ATXN7L1: variants seen among roughly 807,000 people sequenced by gnomAD.
The protein encoded by ATXN7L1 is ataxin 7 like 1.
A neutral mutation model predicts 70.8 loss-of-function variants in ATXN7L1; 15 were observed. That is an observed-to-expected ratio of 0.21 (90% confidence interval 0.14 to 0.33). The LOEUF is 0.33. ATXN7L1 is among the 10% of genes least tolerant of loss of function. ATXN7L1 has a pLI of 1.00. For synonymous variants in ATXN7L1, 440 were observed against 445.1 expected, an observed-to-expected ratio of 0.99 and a Z score of 0.14; for missense variants, 975 against 1,097.1, an observed-to-expected ratio of 0.89 and a Z score of 1.57.
chr7:105,647,401 A>C (rs1345391510), intron 4 of ATXN7L1, among the ~76,000 whole-genome samples: 1 of 152,226 alleles, frequency 6.6e-6, no homozygotes, highest in Non-Finnish European at 1.5e-5. Flanking sequence ...TAATCCCAGC[A>C]CTTTGGGAGG....
intron 3 of ATXN7L1, among the ~76,000 whole-genome samples, chr7:105,668,840 G>C (rs539727617): frequency 6.6e-6 from 1 of 152,200 alleles, no homozygotes; most frequent in South Asian, 2.1e-4. Flanking sequence ...GGAGGTAGAG[G>C]CTACAGCAAG....
chr7:105,701,783 T>C (rs533181760), intron 3 of ATXN7L1, among the ~76,000 whole-genome samples: 165 of 152,318 alleles, frequency 1.1e-3, no homozygotes, highest in Non-Finnish European at 1.2e-3. Flanking sequence ...CAGCTCATTG[T>C]AGCCTCAAAC....
intron 3 of ATXN7L1, among the ~76,000 whole-genome samples, chr7:105,732,284 G>C (rs529851425): frequency 5.9e-5 from 9 of 152,134 alleles, no homozygotes. Context: ...GTGGTGGTGC[G>C]TGCCTGTAGT....
intron 3 of ATXN7L1, among the ~76,000 whole-genome samples, chr7:105,690,878 G>A (rs920846904): frequency 2.0e-5 from 3 of 152,122 alleles, no homozygotes; most frequent in South Asian, 2.1e-4. Flanking sequence ...TAGTGTTTTC[G>A]CTAAGCTTTA....
intron 4 of ATXN7L1, among the ~76,000 whole-genome samples, chr7:105,662,078 CCTTCTTTCT>C (rs1270152636): frequency 0.015 from 1,317 of 85,746 alleles, 6 homozygotes; most frequent in African/African-American, 0.019. Flanking sequence ...TTCCTTCCTT[CCTTCTTTCT>C]TTTCTTTTCT....
chr7:105,632,890 C>T (rs553914150), intron 7 of ATXN7L1, among the ~76,000 whole-genome samples: 103 of 129,348 alleles, frequency 8.0e-4, no homozygotes, highest in African/African-American at 2.8e-3. Context: ...CACTGCACTC[C>T]AGCCTGGGTT....
chr7:105,835,300 G>A (rs1221086970), intron 2 of ATXN7L1, among the ~76,000 whole-genome samples: 2 of 151,370 alleles, frequency 1.3e-5, no homozygotes, highest in Non-Finnish European at 2.9e-5. Flanking sequence ...GACTACAGGC[G>A]CATGCCACCA....
chr7:105,645,762 G>A (rs1268434866), intron 4 of ATXN7L1, among the ~76,000 whole-genome samples: 1 of 151,888 alleles, frequency 6.6e-6, no homozygotes, highest in Non-Finnish European at 1.5e-5. Context: ...ACAGTGAGCC[G>A]AGATAGTGCC....
intron 2 of ATXN7L1, among the ~76,000 whole-genome samples, chr7:105,830,296 T>C (rs1811419645): frequency 6.6e-6 from 1 of 152,258 alleles, no homozygotes; most frequent in Non-Finnish European, 1.5e-5. Flanking sequence ...TGACTCGGCT[T>C]TGCCTTAAGA....
chr7:105,778,510 CAAAAAAA>C (rs745820046), intron 3 of ATXN7L1, among the ~76,000 whole-genome samples: 7 of 34,172 alleles, frequency 2.0e-4, no homozygotes, highest in Non-Finnish European at 4.2e-4. Flanking sequence ...GACCCTATCT[CAAAAAAA>C]AAAAAAAAAA....
At chr7:105,767,361 G>A (rs1801413194) in intron 3 of ATXN7L1, among the ~76,000 whole-genome samples, 1 of 152,034 alleles carries the variant, frequency 6.6e-6, no homozygotes, top group Non-Finnish European at 1.5e-5. Flanking sequence ...CCCTGGTCCA[G>A]CCAAGGCCAT....
intron 3 of ATXN7L1, chr7:105,677,870 G>C (rs1804935638): frequency 3.4e-6 from 3 of 890,300 alleles, no homozygotes; most frequent in Non-Finnish European, 1.3e-6. Context: ...ACAGCACAGG[G>C]CCATGGTCTC....
In ATXN7L1 at chr7:105,875,929, GA is replaced by G. The variant is rs756607411; in HGVS notation, c.182-50del. ...AACAGAAAATAAGGAAAAAAGGGGG[GA>G]AAAAAGCCAAAGTCAAGGGGGGAGG... On this transcript the variant is annotated intron_variant, in intron 1 of 11. Coordinates refer to ENST00000419735, the MANE Select transcript of ATXN7L1 (RefSeq NM_020725.2). 248 of 1,547,840 alleles carry G rather than the reference GA, an allele frequency of 1.6e-4. No homozygotes were observed. In the African/African-American group the frequency reaches 2.5e-3, roughly 16 times the overall value.
intron 3 of ATXN7L1, among the ~76,000 whole-genome samples, chr7:105,731,418 A>G (rs1361391302): frequency 6.6e-6 from 1 of 150,512 alleles, no homozygotes; most frequent in Non-Finnish European, 1.5e-5. Context: ...CCCTTAACCT[A>G]CATTACTTCT....
intron 9 of ATXN7L1, among the ~76,000 whole-genome samples, chr7:105,619,338 G>A (rs1245006589): frequency 1.4e-5 from 2 of 145,128 alleles, no homozygotes; most frequent in Non-Finnish European, 3.0e-5. Flanking sequence ...AGTAGAGACG[G>A]GGGTTTCACT....
chr7:105,612,507 A>G (rs1300059737), intron 10 of ATXN7L1, among the ~76,000 whole-genome samples: 3 of 152,136 alleles, frequency 2.0e-5, no homozygotes, highest in African/African-American at 4.8e-5. Flanking sequence ...GGATTCGTGT[A>G]TATGTTCAAA....
chr7:105,681,505 G>T (rs914665080), intron 3 of ATXN7L1, among the ~76,000 whole-genome samples: 1 of 152,006 alleles, frequency 6.6e-6, no homozygotes, highest in Non-Finnish European at 1.5e-5. Flanking sequence ...GTTCCTCAAA[G>T]AATTAAAAAT....
At chr7:105,619,140 G>GTTTTTTGTTTTTTTTTT (rs1794385587) in intron 9 of ATXN7L1, among the ~76,000 whole-genome samples, 1 of 49,846 alleles carries the variant, frequency 2.0e-5, no homozygotes, top group Non-Finnish European at 3.3e-5. Context: ...GAAATCTTTA[G>GTTTTTTGTTTTTTTTTT]TTTTTTTTTT....
At chr7:105,731,913 T>C (rs574639710) in intron 3 of ATXN7L1, among the ~76,000 whole-genome samples, 4 of 151,286 alleles carry the variant, frequency 2.6e-5, no homozygotes, top group African/African-American at 9.7e-5. Context: ...GCCAATATGG[T>C]GAAACTCCAT....
Sources: allele counts gnomAD v4.1 joint callset (sites outside exome capture counted in the v4.1 genomes callset), GRCh38; gene constraint gnomAD v4.1.1; transcripts MANE v1.5; gene names NCBI Gene and HGNC (gene_info 2026-07-23, HGNC 2026-07-21).